The following SDK1 variants were observed in gnomAD, a reference collection of about 807,000 sequenced individuals.
SDK1 encodes sidekick cell adhesion molecule 1.
Under a neutral mutation model 245.5 loss-of-function variants are expected in SDK1, and 157 were observed. The observed-to-expected ratio is 0.64, with a 90% CI of 0.56 to 0.73. SDK1 has a LOEUF of 0.73. Ranked by LOEUF, SDK1 falls within the 30% of genes least tolerant of loss-of-function variation. SDK1 has a pLI of 0.00. For synonymous variants in SDK1, 1,647 were observed against 1,278.5 expected (o/e 1.29, Z -6.15); for missense variants, 3,583 against 3,002.3 (o/e 1.19, Z -4.52).
chr7:3,904,758 C>T (rs1220407158), intron 5 of SDK1, among the ~76,000 whole-genome samples: 1 of 151,984 alleles, frequency 6.6e-6, no homozygotes, highest in Admixed American at 6.6e-5. Flanking sequence ...CTTTGGGAGG[C>T]CTAGGAGGGG....
At chr7:3,867,567 G>A (rs1335712866) in intron 5 of SDK1, among the ~76,000 whole-genome samples, 1 of 152,128 alleles carries the variant, frequency 6.6e-6, no homozygotes, top group Non-Finnish European at 1.5e-5. Context: ...GAGAGCTTGT[G>A]CAGGGGAGCT....
chr7:3,414,373 C>T (rs966853286), intron 1 of SDK1, among the ~76,000 whole-genome samples: 15 of 152,112 alleles, frequency 9.9e-5, no homozygotes, highest in African/African-American at 3.4e-4. Flanking sequence ...CATCTGAGAA[C>T]CCTGACTTCT....
At chr7:3,679,553 C>T (rs1400721193) in intron 4 of SDK1, among the ~76,000 whole-genome samples, 3 of 150,524 alleles carry the variant, frequency 2.0e-5, no homozygotes, top group East Asian at 2.0e-4. Flanking sequence ...GGCGACAGAG[C>T]GAGACTCCAT....
rs568407951 is a variant in SDK1 at position 3,804,282 on chromosome 7, C to A, written c.714-17168C>A. Reference sequence around the variant, plus strand: ...TGTATTCAGTTATATGAGGGTTTGGCTGAGGTCAGTTTTCTTTTTTCTTAA... The same window carrying A: ...TGTATTCAGTTATATGAGGGTTTGGATGAGGTCAGTTTTCTTTTTTCTTAA... On this transcript the variant is annotated intron_variant, in intron 4 of 44. Transcript: ENST00000404826. Among the ~76,000 whole-genome samples, 536 of 152,220 alleles carry A rather than the reference C, an allele frequency of 3.5e-3. 4 individuals are homozygous for A. The highest frequency in any genetic ancestry group is 0.012 in the African/African-American group (519 of 41,536).
At chr7:3,771,357 G>A (rs922637915) in intron 4 of SDK1, among the ~76,000 whole-genome samples, 1 of 152,164 alleles carries the variant, frequency 6.6e-6, no homozygotes, top group Non-Finnish European at 1.5e-5. Flanking sequence ...GAGTCAAGAG[G>A]AGAGGAAAGG....
At chr7:3,304,443 C>G (rs1183915147) in intron 1 of SDK1, among the ~76,000 whole-genome samples, 1 of 152,150 alleles carries the variant, frequency 6.6e-6, no homozygotes, top group African/African-American at 2.4e-5. Context: ...CTGCTGGACT[C>G]TTTACAGGCT....
intron 5 of SDK1, among the ~76,000 whole-genome samples, chr7:3,825,438 A>G (rs1779748343): frequency 6.6e-6 from 1 of 152,052 alleles, no homozygotes; most frequent in Non-Finnish European, 1.5e-5. Flanking sequence ...CTGATCCAAT[A>G]TTCAAAATGT....
intron 32 of SDK1, among the ~76,000 whole-genome samples, chr7:4,163,303 G>T (rs1781283491): frequency 6.6e-6 from 1 of 152,198 alleles, no homozygotes; most frequent in Non-Finnish European, 1.5e-5. Context: ...CTGTCCTCAA[G>T]GACAATGGCA....
rs962827954 is a variant in SDK1 at position 4,234,919 on chromosome 7, G to A, written c.5992+1500G>A. On this transcript the variant is annotated intron_variant, in intron 41 of 44. Transcript: ENST00000404826. ...GCCCCAGGTAGGGCCAGCTCTGTTG[G>A]TCCTCTTCCTGGGATTAGGAAGAAG... Among the ~76,000 whole-genome samples, 4 of 152,186 alleles carry A rather than the reference G, an allele frequency of 2.6e-5. No homozygotes were observed. The East Asian group carries it at 7.7e-4, about 29-fold the overall frequency.
At chr7:4,206,745 G>A (rs769492429) in intron 36 of SDK1, among the ~76,000 whole-genome samples, 10 of 152,202 alleles carry the variant, frequency 6.6e-5, no homozygotes, top group South Asian at 2.1e-4. Flanking sequence ...CCATGAAAAC[G>A]CCCCCATCCT....
intron 33 of SDK1, 77 bp from the exon 34 acceptor site, chr7:4,175,698 T>C (rs769010300): frequency 3.4e-5 from 43 of 1,249,422 alleles, no homozygotes; most frequent in Non-Finnish European, 4.9e-5. Flanking sequence ...CCTGTCTCCC[T>C]TGTTCCTGCC....
chr7:3,989,444 C>T (rs1404511889), intron 14 of SDK1, among the ~76,000 whole-genome samples: 1 of 152,172 alleles, frequency 6.6e-6, no homozygotes, highest in Non-Finnish European at 1.5e-5. Context: ...ACAGGTGACC[C>T]ACATCACCCA....
chr7:4,040,168 G>A (rs1242609550), intron 17 of SDK1, among the ~76,000 whole-genome samples: 1 of 152,182 alleles, frequency 6.6e-6, no homozygotes, highest in African/African-American at 2.4e-5. Context: ...AGGGTAATGA[G>A]GCGTGTTCTG....
chr7:4,117,771 C>T (rs188626534), intron 25 of SDK1, among the ~76,000 whole-genome samples: 3 of 152,134 alleles, frequency 2.0e-5, no homozygotes, highest in Non-Finnish European at 4.4e-5. Flanking sequence ...GCAGGCCATG[C>T]AGTAACATGA....
intron 5 of SDK1, among the ~76,000 whole-genome samples, chr7:3,828,791 A>G (rs966568977): frequency 1.3e-5 from 2 of 151,590 alleles, no homozygotes; most frequent in Non-Finnish European, 1.5e-5. Context: ...AGCTGGGACT[A>G]CAGGCATGAA....
intron 5 of SDK1, among the ~76,000 whole-genome samples, chr7:3,932,574 C>G (rs1332107753): frequency 6.6e-6 from 1 of 152,198 alleles, no homozygotes; most frequent in Non-Finnish European, 1.5e-5. Context: ...ATATTTTCTT[C>G]TCTGAAGACT....
intron 1 of SDK1, among the ~76,000 whole-genome samples, chr7:3,548,036 A>T (rs1457092121): frequency 6.6e-6 from 1 of 152,238 alleles, no homozygotes; most frequent in African/African-American, 2.4e-5. Context: ...AAATAAATCC[A>T]AGAATTTGTC....
intron 1 of SDK1, among the ~76,000 whole-genome samples, chr7:3,446,178 C>G (rs1780336321): frequency 6.6e-6 from 1 of 152,090 alleles, no homozygotes; most frequent in African/African-American, 2.4e-5. Flanking sequence ...TGCTAATAAT[C>G]ATAAGATTGG....
rs769622694 is a variant in SDK1, at chr7:3,931,454, A to G, written c.848-19469A>G. On this transcript the variant is annotated intron_variant, in intron 5 of 44. Transcript: ENST00000404826. ...AGGTTCAAAACCTTATGGGGCTTCT[A>G]TCCTAACCAACATCAAGGAACTATA... 4.5e-4 allele frequency among the ~76,000 whole-genome samples: 69 copies of G among 152,354 alleles called. 1 individual carries two copies. The Middle Eastern group carries it at 0.01, about 23-fold the overall frequency.
Sources: allele counts gnomAD v4.1 joint callset (sites outside exome capture counted in the v4.1 genomes callset), GRCh38; gene constraint gnomAD v4.1.1; transcripts MANE v1.5; gene names NCBI Gene and HGNC (gene_info 2026-07-23, HGNC 2026-07-21).